The following CCSER2 variants were observed in gnomAD, a reference collection of about 807,000 sequenced individuals.
CCSER2 encodes the protein coiled-coil serine rich protein 2.
In CCSER2, 46 loss-of-function variants were observed where a neutral mutation model predicts 92.3. That is an observed-to-expected ratio of 0.50 (90% CI 0.39 to 0.64). The LOEUF is 0.64. CCSER2 is among the 30% of genes least tolerant of loss of function. The probability of loss-of-function intolerance (pLI) is 0.00; values close to 1 mark genes in which losing one functional copy is unlikely to be tolerated. For missense variants in CCSER2, 1,244 were observed against 1,238.9 expected, an observed-to-expected ratio of 1.00 and a Z score of -0.06; for synonymous variants, 433 against 431.4, an observed-to-expected ratio of 1.00 and a Z score of -0.04.
At chr10:84,423,739 A>G (rs34989044) in intron 4 of CCSER2, among the ~76,000 whole-genome samples, 136 of 152,202 alleles carry the variant, frequency 8.9e-4, no homozygotes, top group Non-Finnish European at 1.5e-3. Flanking sequence ...TAAACTAAAG[A>G]AACATTTTAA....
intron 1 of CCSER2, among the ~76,000 whole-genome samples, chr10:84,354,725 T>C (rs1346417815): frequency 6.6e-6 from 1 of 151,842 alleles, no homozygotes; most frequent in Non-Finnish European, 1.5e-5. Flanking sequence ...ATTTTGCCCT[T>C]GCATTTCAGA....
intron 1 of CCSER2, among the ~76,000 whole-genome samples, chr10:84,358,451 C>T (rs1215190595): frequency 6.6e-6 from 1 of 151,848 alleles, no homozygotes; most frequent in African/African-American, 2.4e-5. Context: ...GTGGAATCAC[C>T]TATACCATTA....
intron 1 of CCSER2, among the ~76,000 whole-genome samples, chr10:84,341,988 T>C (rs1413923518): frequency 6.6e-6 from 1 of 152,178 alleles, no homozygotes; most frequent in East Asian, 1.9e-4. Flanking sequence ...TTTGGCCTTT[T>C]GTGGAGGTTT....
chr10:84,501,024 C>T (rs779183419), intron 9 of CCSER2, among the ~76,000 whole-genome samples: 1 of 152,108 alleles, frequency 6.6e-6, no homozygotes, highest in Non-Finnish European at 1.5e-5. Context: ...AAAATCGTTT[C>T]TGTAGGCTTT....
chr10:84,470,052 G>A (rs1218803483), intron 7 of CCSER2, among the ~76,000 whole-genome samples: 1 of 96,342 alleles, frequency 1.0e-5, no homozygotes, highest in Non-Finnish European at 2.1e-5. Context: ...TGTGGCCTAT[G>A]TCCCAGTTTT....
chr10:84,355,558 G>A (rs1845121826), intron 1 of CCSER2, among the ~76,000 whole-genome samples: 1 of 152,130 alleles, frequency 6.6e-6, no homozygotes, highest in Non-Finnish European at 1.5e-5. Flanking sequence ...AGCAGTTATA[G>A]TACTTCATTC....
rs1409281412 is a variant in CCSER2, at chr10:84,515,789, G to A, written c.*1522G>A. On this transcript the variant is annotated 3_prime_UTR_variant, in exon 10 of 10. Coordinates refer to ENST00000372088, the MANE Select transcript of CCSER2 (RefSeq NM_001284240.2). Reference sequence around the variant, plus strand: ...GGAAATTTTGTTTTATTAAAAAGGTGCTAGAAGATGTTTCAAAGACAATAT... The same window carrying A: ...GGAAATTTTGTTTTATTAAAAAGGTACTAGAAGATGTTTCAAAGACAATAT... The A allele has an allele frequency of 2.6e-5, 4 of 152,138 alleles. No individual in the cohort carries two copies. The highest frequency in any genetic ancestry group is 9.7e-5 in the African/African-American group (4 of 41,438). 9.4% of individuals were successfully genotyped at this position (152,138 alleles called of 1,614,324 possible). A position where few individuals can be genotyped will look rare whatever the true frequency, so the allele number is the denominator to read the frequency against.
At chr10:84,408,971 C>G (rs1290241710) in intron 3 of CCSER2, among the ~76,000 whole-genome samples, 2 of 152,032 alleles carry the variant, frequency 1.3e-5, no homozygotes. Flanking sequence ...CTCATTTCTT[C>G]TATTTTATTT....
chr10:84,441,754 T>G (rs1452464497), intron 6 of CCSER2, among the ~76,000 whole-genome samples: 14 of 79,662 alleles, frequency 1.8e-4, no homozygotes, highest in Admixed American at 7.3e-4. Context: ...TTTTTTTTTT[T>G]TTTTTTTTTT....
chr10:84,490,744 G>C (rs867850984), intron 9 of CCSER2, among the ~76,000 whole-genome samples: 3 of 152,164 alleles, frequency 2.0e-5, no homozygotes, highest in Admixed American at 1.3e-4. Flanking sequence ...TCAACTTGTC[G>C]AAGTCATTCT....
intron 6 of CCSER2, among the ~76,000 whole-genome samples, chr10:84,450,938 C>A (rs1378282940): frequency 6.6e-6 from 1 of 152,070 alleles, no homozygotes; most frequent in African/African-American, 2.4e-5. Context: ...GTACAAAATA[C>A]AATTTGAGTG....
rs1450007090 is a variant in CCSER2, at chr10:84,425,909, A to T, written c.1868+16A>T. On this transcript the variant is annotated intron_variant, in intron 5 of 9. Coordinates refer to ENST00000372088, the MANE Select transcript of CCSER2 (RefSeq NM_001284240.2). ...ACTTGAGCAGGTAAGTACTGTTCTG[A>T]CTTAGATTTCATTTGCTGTCCTCTG... 4 of 1,460,092 alleles carry T rather than the reference A, an allele frequency of 2.7e-6. No homozygotes were observed. Among genetic ancestry groups the T allele is most frequent in the Admixed American group, 2.2e-5 (1 of 44,604 alleles). 90.4% of individuals were successfully genotyped at this position (1,460,092 alleles called of 1,614,324 possible).
chr10:84,415,850 T>A (rs10788341), intron 3 of CCSER2, among the ~76,000 whole-genome samples: 54,206 of 152,058 alleles, frequency 0.36, 11,579 homozygotes, highest in East Asian at 0.5. Flanking sequence ...GCTGGCTGGC[T>A]GGAATTCCAA....
rs1846037165 is a variant in CCSER2, at chr10:84,371,097, G to A, written c.45G>A (p.Leu15=). ...TCAAGACATTTTTGGGTTCCAAGTT[G>A]CCAAAGTATGGAACAAAATCTGTAA... ...TQIKTFLGSK[L]PKYGTKSVRS... Residue 15 remains leucine (L), a synonymous_variant, in exon 2 of 10, where the codon TTG becomes TTA. Transcript: ENST00000372088. 2 of 1,603,790 alleles carry A rather than the reference G, an allele frequency of 1.2e-6. No individual in the cohort carries two copies. The highest frequency in any genetic ancestry group is 1.1e-5 in the South Asian group (1 of 88,664).
chr10:84,465,683 CTT>C (rs1295860330), intron 7 of CCSER2, among the ~76,000 whole-genome samples: 1 of 151,892 alleles, frequency 6.6e-6, no homozygotes, highest in Non-Finnish European at 1.5e-5. Context: ...CAATTGGTAT[CTT>C]TACTCTTTTC....
intron 1 of CCSER2, among the ~76,000 whole-genome samples, chr10:84,368,667 A>G (rs960637827): frequency 2.0e-5 from 3 of 152,092 alleles, no homozygotes; most frequent in Non-Finnish European, 4.4e-5. Flanking sequence ...AAAAAATAAT[A>G]TGTTCTTTAA....
In CCSER2 at chr10:84,353,268, G is replaced by T. The variant is rs2133078541; in HGVS notation, c.-39-17746G>T. 2.0e-5 allele frequency among the ~76,000 whole-genome samples: 3 copies of T among 152,196 alleles called. No individual in the cohort carries two copies. In the Middle Eastern group the frequency reaches 0.01, roughly 518 times the overall value. On this transcript the variant is annotated intron_variant, in intron 1 of 9. Coordinates refer to ENST00000372088, the MANE Select transcript of CCSER2 (RefSeq NM_001284240.2). ...AGGACAGTTTCTTGCCTCGGTCATG[G>T]AGATCCTGTATAGCCTGTCTTCCAT... is the stretch of plus-strand genomic sequence containing the variant.
intron 9 of CCSER2, among the ~76,000 whole-genome samples, chr10:84,512,501 C>T (rs1849416738): frequency 6.6e-6 from 1 of 152,064 alleles, no homozygotes; most frequent in African/African-American, 2.4e-5. Context: ...CTATTTGGGC[C>T]ATTGAAAGAT....
chr10:84,448,224 G>A (rs1845049763), intron 6 of CCSER2, among the ~76,000 whole-genome samples: 1 of 152,104 alleles, frequency 6.6e-6, no homozygotes, highest in South Asian at 2.1e-4. Flanking sequence ...TGTCATGCCT[G>A]AGCTCTGGCA....
Sources: allele counts gnomAD v4.1 joint callset (sites outside exome capture counted in the v4.1 genomes callset), GRCh38; gene constraint gnomAD v4.1.1; transcripts MANE v1.5; gene names NCBI Gene and HGNC (gene_info 2026-07-23, HGNC 2026-07-21).